The following ROS1 variants were observed in gnomAD, a reference collection of about 807,000 sequenced individuals.
The protein encoded by ROS1 is proto-oncogene tyrosine-protein kinase ROS.
A neutral mutation model predicts 273.5 loss-of-function variants in ROS1; 263 were observed. That is an observed-to-expected ratio of 0.96 (90% CI 0.87 to 1.06). The LOEUF is 1.06. ROS1 is among the 50% of genes least tolerant of loss of function. The pLI is 0.00. For synonymous variants in ROS1, 1,008 were observed against 954.1 expected, an observed-to-expected ratio of 1.06 and a Z score of -1.04; for missense variants, 2,833 against 2,751.1, an observed-to-expected ratio of 1.03 and a Z score of -0.67.
At chr6:117,403,043 G>A in intron 7 of ROS1, 96 bp downstream of exon 7, 1 of 1,383,648 alleles carries the variant, frequency 7.2e-7, no homozygotes, top group South Asian at 1.2e-5. Context: ...TCGATTAATA[G>A]GAAGGAATAG....
chr6:117,344,147 G>A lies in ROS1; in HGVS notation c.4419C>T (p.Gly1473=), dbSNP rs778570854. The change falls in exon 28 of 44, where the codon GGC becomes GGT. Residue 1473 remains glycine (G), a synonymous_variant. Transcript: ENST00000368507. ...PLAKTNLTWY[G]ITSPTPTYLV... is the part of the protein sequence containing the mutation. ...GGTATGTTGGAGTAGGGCTGGTGAT[G>A]CCATACCATGTGAGGTTTGTCTTGG... 2 of 1,613,928 alleles carry A rather than the reference G, an allele frequency of 1.2e-6. No individual in the cohort carries two copies. Among genetic ancestry groups the A allele is most frequent in the East Asian group, 2.2e-5 (1 of 44,870 alleles).
chr6:117,380,200 A>G (rs1772013206), intron 17 of ROS1, among the ~76,000 whole-genome samples: 1 of 152,176 alleles, frequency 6.6e-6, no homozygotes. Flanking sequence ...TGACGACTAC[A>G]TCTTCAGCAA....
intron 43 of ROS1, among the ~76,000 whole-genome samples, chr6:117,295,379 A>C (rs1399792932): frequency 6.6e-6 from 1 of 152,228 alleles, no homozygotes; most frequent in Non-Finnish European, 1.5e-5. Context: ...TCAAACCATG[A>C]AACTACTACA....
In ROS1 at chr6:117,337,947, G is replaced by A. The variant is rs181696197; in HGVS notation, c.5062-607C>T. Reference sequence around the variant, plus strand: ...CTATTATGAAGCTACTAAGTAGCAAGGCTAGAAGCTAAATACAGAAAATCT... The same window carrying A: ...CTATTATGAAGCTACTAAGTAGCAAAGCTAGAAGCTAAATACAGAAAATCT... On this transcript the variant is annotated intron_variant, in intron 31 of 43. Transcript: ENST00000368507. 2.1e-4 allele frequency among the ~76,000 whole-genome samples: 32 copies of A among 152,166 alleles called. No homozygotes were observed. In the East Asian group the frequency reaches 3.7e-3, roughly 17 times the overall value.
intron 28 of ROS1, among the ~76,000 whole-genome samples, chr6:117,343,400 A>T (rs1451864479): frequency 3.3e-5 from 5 of 152,198 alleles, no homozygotes; most frequent in African/African-American, 1.2e-4. Flanking sequence ...CCAAGCACAA[A>T]GCAAAATATT....
intron 26 of ROS1, among the ~76,000 whole-genome samples, chr6:117,354,499 G>A (rs1010120122): frequency 7.2e-5 from 11 of 152,126 alleles, no homozygotes; most frequent in Admixed American, 3.9e-4. Flanking sequence ...GAGAAGACAG[G>A]CTAAATATAA....
At chr6:117,412,028 T>G (rs9385012) in intron 4 of ROS1, among the ~76,000 whole-genome samples, 17 of 151,832 alleles carry the variant, frequency 1.1e-4, no homozygotes, top group African/African-American at 3.9e-4. Context: ...TTGCAGAGAT[T>G]TGGGCAAAAG....
intron 43 of ROS1, among the ~76,000 whole-genome samples, chr6:117,295,743 T>C (rs1415349711): frequency 1.3e-5 from 2 of 152,194 alleles, no homozygotes; most frequent in African/African-American, 2.4e-5. Flanking sequence ...GAAAAAGTGC[T>C]CAACATCATT....
chr6:117,394,208 G>T lies in ROS1; in HGVS notation c.1145C>A (p.Ser382Tyr). 1 of 1,602,084 alleles carries T rather than the reference G, an allele frequency of 6.2e-7. No individual in the cohort carries two copies. The highest frequency in any genetic ancestry group is 1.1e-5 in the South Asian group (1 of 88,614). ...CATTCTTTGATAAAGCCAATCTATG[G>T]AGATAGAAGAAATTAATCCTGAACC... ...YRGSGLISSI[S>Y]IDWLYQRMYF... The change falls in exon 11 of 44, where the codon TCC becomes TAC. Residue 382 changes from serine to tyrosine, a missense_variant. Coordinates refer to ENST00000368507, the MANE Select transcript of ROS1 (RefSeq NM_001378902.1).
At chr6:117,372,368 C>T (rs1582771967) in intron 18 of ROS1, among the ~76,000 whole-genome samples, 1 of 152,192 alleles carries the variant, frequency 6.6e-6, no homozygotes, top group East Asian at 1.9e-4. Context: ...CTCCATAAAG[C>T]TCCTAATACT....
At chr6:117,347,797 A>G (rs1225670198) in intron 27 of ROS1, among the ~76,000 whole-genome samples, 1 of 152,020 alleles carries the variant, frequency 6.6e-6, no homozygotes, top group East Asian at 1.9e-4. Flanking sequence ...ATTTTGTCAA[A>G]AGCATTTTCT....
intron 9 of ROS1, 29 bp downstream of exon 9, chr6:117,396,159 G>A: frequency 6.3e-7 from 1 of 1,582,580 alleles, no homozygotes; most frequent in Admixed American, 1.7e-5. Context: ...TCATTCCTGT[G>A]TAGCTAAAGG....
intron 9 of ROS1, among the ~76,000 whole-genome samples, chr6:117,395,374 C>T: frequency 6.6e-6 from 1 of 152,114 alleles, no homozygotes; most frequent in East Asian, 1.9e-4. Flanking sequence ...AACAAAAATA[C>T]CTCTCCTTTC....
At chr6:117,337,130 G>A in intron 32 of ROS1, 42 bp downstream of exon 32, 1 of 1,509,680 alleles carries the variant, frequency 6.6e-7, no homozygotes, top group Non-Finnish European at 9.0e-7. Flanking sequence ...GAAAAAAACT[G>A]AAACACAGAG....
In ROS1 at chr6:117,403,245, G is replaced by C. The variant is rs750981644; in HGVS notation, c.498C>G (p.Pro166=). Residue 166 remains proline (P), a synonymous_variant, in exon 7 of 44, where the codon CCC becomes CCG. Coordinates refer to ENST00000368507, the MANE Select transcript of ROS1 (RefSeq NM_001378902.1). ...AAATGTACTCAGTGAAGGGGTGCAG[G>C]GGCTTGACCACATAGGACGGTCTGG... ...TVSRPSYVVK[P]LHPFTEYIFR... 3 of 1,611,858 alleles carry C rather than the reference G, an allele frequency of 1.9e-6. No homozygotes were observed. In the African/African-American group the frequency reaches 4.0e-5, roughly 22 times the overall value.
chr6:117,346,748 CATT>C (rs1249225208), intron 27 of ROS1, among the ~76,000 whole-genome samples: 1 of 152,086 alleles, frequency 6.6e-6, no homozygotes, highest in Non-Finnish European at 1.5e-5. Flanking sequence ...ACAATGACAT[CATT>C]ATTACCCAAA....
At chr6:117,299,510 C>T (rs933717892) in intron 43 of ROS1, 2 of 152,206 alleles carry the variant, frequency 1.3e-5, no homozygotes, top group Admixed American at 6.5e-5. Flanking sequence ...AAGAGTATGA[C>T]CTTCCCTGAT....
chr6:117,361,077 T>C (rs891202978), intron 22 of ROS1, among the ~76,000 whole-genome samples: 4 of 152,092 alleles, frequency 2.6e-5, no homozygotes, highest in Non-Finnish European at 5.9e-5. Flanking sequence ...AGGATACTAA[T>C]AAAGGTAAGT....
intron 7 of ROS1, among the ~76,000 whole-genome samples, chr6:117,402,529 C>A (rs951105106): frequency 1.3e-5 from 2 of 152,152 alleles, no homozygotes; most frequent in African/African-American, 4.8e-5. Flanking sequence ...CACACAGCAC[C>A]ATCCCACTTA....
Sources: gnomAD v4.1 joint callset for allele counts (sites outside exome capture counted in the v4.1 genomes callset) on GRCh38, gnomAD v4.1.1 for gene constraint, MANE v1.5 for transcripts, NCBI Gene and HGNC (gene_info 2026-07-23, HGNC 2026-07-21) for gene names.